The following ICE2 variants were observed in gnomAD, a reference collection of about 807,000 sequenced individuals.
ICE2 encodes interactor of little elongation complex ELL subunit 2.
A neutral mutation model predicts 105.4 loss-of-function variants in ICE2; 87 were observed. The observed-to-expected ratio is 0.83, with a 90% CI of 0.69 to 0.99. ICE2 has a LOEUF of 0.99. ICE2 is among the 50% of genes least tolerant of loss of function. The pLI, the probability that ICE2 is intolerant of heterozygous loss-of-function variation, is 0.00. For synonymous variants in ICE2, 399 were observed against 392.0 expected, an observed-to-expected ratio of 1.02 and a Z score of -0.21; for missense variants, 1,323 against 1,146.7, an observed-to-expected ratio of 1.15 and a Z score of -2.22.
At chr15:60,435,467 C>T (rs1413593678) in intron 13 of ICE2, among the ~76,000 whole-genome samples, 1 of 151,566 alleles carries the variant, frequency 6.6e-6, no homozygotes, top group South Asian at 2.1e-4. Flanking sequence ...GGCGTGGTGG[C>T]GCATGCCTGT....
intron 5 of ICE2, among the ~76,000 whole-genome samples, chr15:60,460,393 T>C (rs972016785): frequency 6.6e-6 from 1 of 152,088 alleles, no homozygotes; most frequent in African/African-American, 2.4e-5. Context: ...AGCTACTCGG[T>C]AGGCCGAGGC....
At chr15:60,475,126 G>A (rs1450324480) in intron 3 of ICE2, among the ~76,000 whole-genome samples, 1 of 152,176 alleles carries the variant, frequency 6.6e-6, no homozygotes, top group Non-Finnish European at 1.5e-5. Flanking sequence ...AGTAAATGTT[G>A]AGCTTCCCTG....
In ICE2 at chr15:60,448,955, A is replaced by C. The variant is rs575352697; in HGVS notation, c.2012T>G (p.Leu671Ter). ...AACAGAAGGCTGTTTAGAATTTTCT[A>C]AATTCATTAAGGGCAATTCTGGTAC... ...RKVPELPLMN[L>*]ENSKQPSVSE... Residue 671 changes from leucine (L) to a stop codon, truncating the protein, a stop_gained, in exon 10 of 16, where the codon TTA becomes TGA. Transcript: ENST00000261520. LOFTEE classifies it high-confidence loss of function. 1.1e-5 allele frequency: 18 copies of C among 1,613,930 alleles called. No homozygotes were observed. Among genetic ancestry groups the C allele is most frequent in the Non-Finnish European group, 1.4e-5 (17 of 1,179,924 alleles).
intron 3 of ICE2, among the ~76,000 whole-genome samples, chr15:60,471,662 A>T (rs866510656): frequency 6.6e-6 from 1 of 152,340 alleles, no homozygotes; most frequent in Admixed American, 6.5e-5. Context: ...TGTAAACCAA[A>T]AGCATCTGAC....
At chr15:60,447,946 C>G (rs1433781316) in intron 11 of ICE2, 24 bp downstream of exon 11, 10 of 1,587,082 alleles carry the variant, frequency 6.3e-6, no homozygotes, top group Non-Finnish European at 8.6e-6. Context: ...TGATCATATT[C>G]TAACTCCGCA....
Position 60,476,048 on chromosome 15 carries a change from A to C in ICE2, c.146+15T>G. 3 of 1,504,878 alleles carry C rather than the reference A, an allele frequency of 2.0e-6. No homozygotes were observed. The highest frequency in any genetic ancestry group is 2.7e-6 in the Non-Finnish European group (3 of 1,106,040). The allele number at this position is 1,504,878 out of a possible 1,614,324, so 93.2% of individuals were successfully genotyped here. ...CCATCAAATATGGAAATAAATAACC[A>C]AATAAACATATTACCTGTTGGATAA... is the stretch of plus-strand genomic sequence containing the variant. On this transcript the variant is annotated intron_variant, in intron 3 of 15. Coordinates refer to ENST00000261520, the MANE Select transcript of ICE2 (RefSeq NM_024611.6).
chr15:60,430,287 T>C (rs532417916), intron 14 of ICE2, among the ~76,000 whole-genome samples: 1 of 152,322 alleles, frequency 6.6e-6, no homozygotes, highest in South Asian at 2.1e-4. Context: ...AGCCAAGGGA[T>C]GCAGGTGGCC....
At position 60,448,665 on chromosome 15, in the gene ICE2, A is replaced by G. The variant is rs190473327; in HGVS notation, c.2119+183T>C. Among the ~76,000 whole-genome samples, 8 of 152,340 alleles carry G rather than the reference A, an allele frequency of 5.3e-5. No homozygotes were observed. In the East Asian group the frequency reaches 7.7e-4, roughly 15 times the overall value. ...AGCTGCAAGACCCATACGCCTTTGT[A>G]TACATATCTAGAGAGGATTATTTTG... On this transcript the variant is annotated intron_variant, in intron 10 of 15. Coordinates refer to ENST00000261520, the MANE Select transcript of ICE2 (RefSeq NM_024611.6).
rs1393864547 is a variant in ICE2, at chr15:60,420,701, C to T, written c.*2933G>A. 1 of 152,176 alleles carries T rather than the reference C, an allele frequency of 6.6e-6. No individual in the cohort carries two copies. The highest frequency in any genetic ancestry group is 1.9e-4 in the East Asian group (1 of 5,198). 9.4% of individuals were successfully genotyped at this position (152,176 alleles called of 1,614,324 possible). A position where few individuals can be genotyped will look rare whatever the true frequency, so the allele number is the denominator to read the frequency against. On this transcript the variant is annotated 3_prime_UTR_variant, in exon 16 of 16. Coordinates refer to ENST00000261520, the MANE Select transcript of ICE2 (RefSeq NM_024611.6). ...CTTTAATTTTCCCTTATAAATCCTA[C>T]TATTTTTAAAAGACTCAGCTCAAGT...
intron 13 of ICE2, among the ~76,000 whole-genome samples, chr15:60,435,174 T>G (rs1222437632): frequency 1.3e-5 from 2 of 151,468 alleles, no homozygotes. Context: ...CCAGCTACTC[T>G]GGAGGCTGAG....
rs191260186 is a variant in ICE2, at chr15:60,455,305, C to T, written c.783+21G>A. On this transcript the variant is annotated intron_variant, in intron 7 of 15. Transcript: ENST00000261520. The stretch of plus-strand genomic sequence containing the variant: ...ATATAAAAGATTATTTAGGAAGATC[C>T]AATGTTGCCTTGGTACTTACATAAT... 11 of 1,570,050 alleles carry T rather than the reference C, an allele frequency of 7.0e-6. No homozygotes were observed. The African/African-American group carries it at 1.1e-4, about 15-fold the overall frequency.
At chr15:60,470,144 G>A (rs763820173) in intron 3 of ICE2, among the ~76,000 whole-genome samples, 8 of 146,002 alleles carry the variant, frequency 5.5e-5, no homozygotes, top group Non-Finnish European at 1.1e-4. Context: ...CCAGGTACTG[G>A]AAATACAACA....
chr15:60,466,044 G>A (rs2064418051), intron 5 of ICE2, among the ~76,000 whole-genome samples: 2 of 152,116 alleles, frequency 1.3e-5, no homozygotes, highest in South Asian at 4.1e-4. Context: ...GAGCCACCAC[G>A]CCTGGCCTGT....
intron 5 of ICE2, among the ~76,000 whole-genome samples, chr15:60,460,381 T>G (rs2064241279): frequency 6.6e-6 from 1 of 152,092 alleles, no homozygotes. Context: ...GCCTGTAATC[T>G]CAGCTACTCG....
At position 60,455,045 on chromosome 15, in the gene ICE2, G is replaced by A; in HGVS notation, c.901C>T (p.Gln301Ter). Residue 301 changes from glutamine to a stop codon, truncating the protein, a stop_gained, in exon 8 of 16, where the codon CAG becomes TAG. Coordinates refer to ENST00000261520, the MANE Select transcript of ICE2 (RefSeq NM_024611.6). LOFTEE classifies it high-confidence loss of function. ...TGAATACACACTGGAATTTCCCACTGTTCCTTGTACGTTGGTCCATGATTA... is the reference window on the plus strand; with the variant it reads ...TGAATACACACTGGAATTTCCCACTATTCCTTGTACGTTGGTCCATGATTA... Reference protein sequence around the residue: ...LNNHGPTYKEQWEIPVCIQVI... With the variant: ...LNNHGPTYKE 1.3e-6 allele frequency: 2 copies of A among 1,589,442 alleles called. No homozygotes were observed. The highest frequency in any genetic ancestry group is 1.4e-5 in the African/African-American group (1 of 73,554).
chr15:60,446,835 T>C (rs2063832919), intron 11 of ICE2, among the ~76,000 whole-genome samples: 1 of 152,224 alleles, frequency 6.6e-6, no homozygotes, highest in South Asian at 2.1e-4. Flanking sequence ...TATTGGGCAG[T>C]GGGTTAGATA....
At chr15:60,429,298 C>T (rs2063404204) in intron 14 of ICE2, among the ~76,000 whole-genome samples, 1 of 152,126 alleles carries the variant, frequency 6.6e-6, no homozygotes, top group African/African-American at 2.4e-5. Context: ...CACAATAAAC[C>T]TTCAAGGCAT....
At chr15:60,451,326 A>G (rs1210982122) in intron 9 of ICE2, 1 of 886,962 alleles carries the variant, frequency 1.1e-6, no homozygotes, top group Non-Finnish European at 1.4e-6. Flanking sequence ...GGCATTTCAA[A>G]AAATGAACTA....
At chr15:60,473,281 A>T (rs1335833578) in intron 3 of ICE2, among the ~76,000 whole-genome samples, 4 of 151,888 alleles carry the variant, frequency 2.6e-5, no homozygotes, top group Non-Finnish European at 5.9e-5. Context: ...AGTGAGTGAG[A>T]GAGAGAGACA....
Sources: allele counts gnomAD v4.1 joint callset (sites outside exome capture counted in the v4.1 genomes callset), GRCh38; gene constraint gnomAD v4.1.1; transcripts MANE v1.5; gene names NCBI Gene and HGNC (gene_info 2026-07-23, HGNC 2026-07-21).